The following ADAM22 variants were observed in gnomAD, a reference collection of about 807,000 sequenced individuals.
ADAM22 encodes ADAM metallopeptidase domain 22.
A neutral mutation model predicts 144.6 loss-of-function variants in ADAM22; 65 were observed. The ratio of observed to expected loss-of-function variants is 0.45; its 90% CI spans 0.37 to 0.55. The LOEUF is 0.55. ADAM22 is among the 20% of genes least tolerant of loss of function. ADAM22 has a pLI of 0.00. For synonymous variants in ADAM22, 391 were observed against 412.6 expected (o/e 0.95, Z 0.63); for missense variants, 974 against 1,184.9 (o/e 0.82, Z 2.61).
intron 3 of ADAM22, among the ~76,000 whole-genome samples, chr7:88,015,622 G>A (rs1045053873): frequency 2.0e-5 from 3 of 152,164 alleles, no homozygotes; most frequent in Admixed American, 6.5e-5. Flanking sequence ...ATCTTAGTAC[G>A]TTAAATGTCT....
At chr7:88,138,322 T>G (rs1160228516) in intron 14 of ADAM22, among the ~76,000 whole-genome samples, 1 of 152,190 alleles carries the variant, frequency 6.6e-6, no homozygotes, top group Non-Finnish European at 1.5e-5. Context: ...TCCTGATTAT[T>G]AAAATGTTTA....
intron 2 of ADAM22, among the ~76,000 whole-genome samples, chr7:87,977,602 C>A (rs2129448639): frequency 6.6e-6 from 1 of 152,238 alleles, no homozygotes; most frequent in African/African-American, 2.4e-5. Context: ...AGTTTTGCTT[C>A]CTCCTTTCTT....
chr7:88,106,639 A>G (rs932264627), intron 4 of ADAM22, among the ~76,000 whole-genome samples: 6 of 152,238 alleles, frequency 3.9e-5, no homozygotes, highest in African/African-American at 1.4e-4. Context: ...GCTTTCAGCT[A>G]CTGAAGAAAT....
intron 2 of ADAM22, among the ~76,000 whole-genome samples, chr7:87,968,789 G>A (rs897335010): frequency 6.6e-6 from 1 of 152,166 alleles, no homozygotes; most frequent in Admixed American, 6.5e-5. Flanking sequence ...CGAAATACCT[G>A]AAACTGGGTA....
At chr7:88,097,151 C>CTTTTTTTTTTT (rs1169759079) in intron 4 of ADAM22, among the ~76,000 whole-genome samples, 19 of 129,220 alleles carry the variant, frequency 1.5e-4, no homozygotes, top group African/African-American at 5.2e-4. Flanking sequence ...TTTTTCTTTT[C>CTTTTTTTTTTT]TTTTTTTTTT....
intron 3 of ADAM22, among the ~76,000 whole-genome samples, chr7:88,032,432 G>A (rs1052876794): frequency 1.3e-5 from 2 of 152,212 alleles, no homozygotes; most frequent in African/African-American, 4.8e-5. Context: ...TGGAAAGGGA[G>A]CATTTACCCA....
intron 3 of ADAM22, 108 bp from the exon 4 acceptor site, chr7:88,075,518 G>A (rs1814164227): frequency 2.3e-6 from 2 of 858,190 alleles, no homozygotes; most frequent in Admixed American, 1.9e-5. Context: ...GTGTTGATTT[G>A]GGGGGCTTAA....
intron 3 of ADAM22, among the ~76,000 whole-genome samples, chr7:88,063,868 G>T (rs1447415848): frequency 6.6e-6 from 1 of 152,174 alleles, no homozygotes; most frequent in Non-Finnish European, 1.5e-5. Context: ...TCAAAGATGA[G>T]TTCTCAGAAA....
intron 2 of ADAM22, among the ~76,000 whole-genome samples, chr7:87,953,114 A>G (rs1392577567): frequency 4.6e-5 from 7 of 151,830 alleles, no homozygotes; most frequent in Non-Finnish European, 8.8e-5. Flanking sequence ...AATTTTTTTG[A>G]AGGGTTTTTT....
intron 22 of ADAM22, 93 bp downstream of exon 22, chr7:88,156,099 TA>T (rs1839870442): frequency 1.4e-6 from 2 of 1,394,794 alleles, no homozygotes; most frequent in African/African-American, 2.9e-5. Context: ...ATGTACATGT[TA>T]GTAGGTCGAA....
intron 31 of ADAM22, among the ~76,000 whole-genome samples, chr7:88,194,551 G>A (rs773141085): frequency 6.6e-6 from 1 of 152,122 alleles, no homozygotes; most frequent in Non-Finnish European, 1.5e-5. Context: ...CCACATAGAC[G>A]TGGGCCAAGG....
intron 4 of ADAM22, among the ~76,000 whole-genome samples, chr7:88,092,952 T>TG (rs1820326320): frequency 8.4e-6 from 1 of 118,478 alleles, no homozygotes; most frequent in Admixed American, 1.1e-4. Context: ...TGGTATAAGA[T>TG]TTTTTTTCCC....
intron 4 of ADAM22, among the ~76,000 whole-genome samples, chr7:88,100,672 G>C (rs1016386334): frequency 3.3e-5 from 5 of 152,044 alleles, no homozygotes; most frequent in African/African-American, 9.7e-5. Context: ...TTTGTTATTT[G>C]TTTATTTTCT....
At chr7:88,054,104 C>A (rs1807459829) in intron 3 of ADAM22, among the ~76,000 whole-genome samples, 1 of 152,094 alleles carries the variant, frequency 6.6e-6, no homozygotes, top group African/African-American at 2.4e-5. Flanking sequence ...TGCACTTCAG[C>A]CTGAGCGACA....
At chr7:88,107,437 G>C (rs1824739369) in intron 4 of ADAM22, among the ~76,000 whole-genome samples, 1 of 151,936 alleles carries the variant, frequency 6.6e-6, no homozygotes, top group Admixed American at 6.6e-5. Context: ...CTGACCTCAA[G>C]GGATCCACCC....
intron 3 of ADAM22, among the ~76,000 whole-genome samples, chr7:88,021,987 T>G (rs781535122): frequency 7.4e-4 from 113 of 151,984 alleles, no homozygotes; most frequent in Non-Finnish European, 1.1e-3. Context: ...ATCCTCCCAT[T>G]TCCGCCTCCC....
At chr7:88,161,674 G>C (rs1417230945) in intron 22 of ADAM22, among the ~76,000 whole-genome samples, 4 of 152,054 alleles carry the variant, frequency 2.6e-5, no homozygotes, top group Non-Finnish European at 5.9e-5. Context: ...CTTTTCAAAA[G>C]AAGACATCCA....
intron 3 of ADAM22, 81 bp from the exon 4 acceptor site, chr7:88,075,545 A>G (rs767101040): frequency 4.1e-4 from 491 of 1,192,978 alleles, no homozygotes; most frequent in Non-Finnish European, 5.6e-4. Flanking sequence ...GTTAAAGCAG[A>G]TATGTGTAAA....
intron 24 of ADAM22, among the ~76,000 whole-genome samples, chr7:88,166,288 A>C (rs2129530892): frequency 6.6e-6 from 1 of 152,264 alleles, no homozygotes; most frequent in East Asian, 1.9e-4. Flanking sequence ...ATATTTTTGA[A>C]CTGAATAAAG....
Sources: allele counts gnomAD v4.1 joint callset (sites outside exome capture counted in the v4.1 genomes callset), GRCh38; gene constraint gnomAD v4.1.1; transcripts MANE v1.5; gene names NCBI Gene and HGNC (gene_info 2026-07-23, HGNC 2026-07-21).